Variants in PCDHGB3 observed in about 807,000 individuals in gnomAD.
The protein encoded by PCDHGB3 is protocadherin gamma-B3.
A neutral mutation model predicts 59.2 loss-of-function variants in PCDHGB3; 40 were observed. The observed-to-expected ratio is 0.68, with a 90% CI of 0.52 to 0.88. The LOEUF is 0.88. Among genes scored for constraint, PCDHGB3 ranks in the 40% least tolerant of loss-of-function variants. The pLI, the probability that PCDHGB3 is intolerant of heterozygous loss-of-function variation, is 0.00. For synonymous variants in PCDHGB3, 581 were observed against 503.6 expected (o/e 1.15, Z -2.06); for missense variants, 1,309 against 1,187.9 (o/e 1.10, Z -1.50).
At chr5:141,418,599 A>G in intron 1 of PCDHGB3, 1 of 1,614,054 alleles carries the variant, frequency 6.2e-7, no homozygotes, top group South Asian at 1.1e-5. Flanking sequence ...CAGGACGTGT[A>G]CAGGGTTAGC....
intron 1 of PCDHGB3, chr5:141,484,911 T>G (rs2154580253): frequency 9.3e-6 from 4 of 432,018 alleles, no homozygotes; most frequent in South Asian, 3.3e-5. Context: ...CTGCGACGCA[T>G]TAACCCTGCT....
Position 141,370,276 on chromosome 5 carries a change from C to G in PCDHGB3, c.-119C>G, listed in dbSNP as rs1259059865. The G allele has an allele frequency of 3.6e-6, 3 of 839,228 alleles. No homozygotes were observed. The African/African-American group carries it at 5.1e-5, about 14-fold the overall frequency. 52.0% of individuals were successfully genotyped at this position (839,228 alleles called of 1,614,324 possible). ...ATCAGGCTTCCTGCAGCGGAGACAC[C>G]CATTAGAGAACCCAAGCACAAAGAC... On this transcript the variant is annotated 5_prime_UTR_variant, in exon 1 of 4. Coordinates refer to ENST00000576222, the MANE Select transcript of PCDHGB3 (RefSeq NM_018924.5).
chr5:141,506,737 C>T (rs893758261), intron 3 of PCDHGB3, among the ~76,000 whole-genome samples: 5 of 152,076 alleles, frequency 3.3e-5, no homozygotes, highest in African/African-American at 1.2e-4. Flanking sequence ...AGAATAATGC[C>T]TATTAATAAA....
chr5:141,375,877 G>A lies in PCDHGB3; in HGVS notation c.2415+3068G>A, dbSNP rs752155500. ...AGGTGGTGGCGGTGGACAGAGACTC[G>A]GGCCAGAACGCCTGGCTGTCCTACC... On this transcript the variant is annotated intron_variant, in intron 1 of 3. Transcript: ENST00000576222. 8 of 1,613,676 alleles carry A rather than the reference G, an allele frequency of 5.0e-6. No individual in the cohort carries two copies. In the East Asian group the frequency reaches 1.3e-4, roughly 27 times the overall value.
chr5:141,390,509 A>G, intron 1 of PCDHGB3: 1 of 590,022 alleles, frequency 1.7e-6, no homozygotes, highest in Non-Finnish European at 2.9e-6. Flanking sequence ...GCTTAGATTT[A>G]TAAAGCAATG....
In PCDHGB3 at chr5:141,485,610, C is replaced by A; in HGVS notation, c.2416-9197C>A. ...CTGGACTTGGAAATTGGGGAGGCAGCTCCTCCAGGACAGCGTTTCCCGTTG... is the reference window on the plus strand; with the variant it reads ...CTGGACTTGGAAATTGGGGAGGCAGATCCTCCAGGACAGCGTTTCCCGTTG... On this transcript the variant is annotated intron_variant, in intron 1 of 3. Coordinates refer to ENST00000576222, the MANE Select transcript of PCDHGB3 (RefSeq NM_018924.5). This position sits in a 1 kb window ranked among gnomAD's most constrained non-coding sequence, Gnocchi z 5.7. The A allele has an allele frequency of 1.2e-6, 2 of 1,612,076 alleles. No individual in the cohort carries two copies. The highest frequency in any genetic ancestry group is 1.7e-6 in the Non-Finnish European group (2 of 1,178,616).
chr5:141,392,822 T>C (rs1234169256), intron 1 of PCDHGB3: 1 of 1,595,210 alleles, frequency 6.3e-7, no homozygotes, highest in East Asian at 2.2e-5. Context: ...CAATGGCCGC[T>C]CCACAGAGTC....
At chr5:141,378,986 C>T (rs1369970851) in intron 1 of PCDHGB3, 2 of 152,156 alleles carry the variant, frequency 1.3e-5, no homozygotes, top group African/African-American at 4.8e-5. Flanking sequence ...TGTTGAACTA[C>T]ATTATAGTCA....
intron 1 of PCDHGB3, among the ~76,000 whole-genome samples, chr5:141,439,161 C>T (rs1384707803): frequency 6.6e-6 from 1 of 150,850 alleles, no homozygotes; most frequent in Non-Finnish European, 1.5e-5. Flanking sequence ...CCACTGCACT[C>T]CAGCCTGGGC....
At chr5:141,399,464 C>G in intron 1 of PCDHGB3, 1 of 1,614,018 alleles carries the variant, frequency 6.2e-7, no homozygotes, top group Non-Finnish European at 8.5e-7. Flanking sequence ...GATAACGCTC[C>G]GGTTTTCCAC....
chr5:141,486,987 G>C lies in PCDHGB3; in HGVS notation c.2416-7820G>C, dbSNP rs1327158531. ...GACTTGGATTCAGGTTACAATGCTTGGGTTTCCTATCAGCTCCTGGAGGCC... is the reference window on the plus strand; with the variant it reads ...GACTTGGATTCAGGTTACAATGCTTCGGTTTCCTATCAGCTCCTGGAGGCC... On this transcript the variant is annotated intron_variant, in intron 1 of 3. Transcript: ENST00000576222. The surrounding 1 kb of genome is among the most constrained non-coding windows in gnomAD (Gnocchi z 5.0). The C allele has an allele frequency of 6.2e-7, 1 of 1,614,144 alleles. No homozygotes were observed. Among genetic ancestry groups the C allele is most frequent in the Admixed American group, 1.7e-5 (1 of 60,020 alleles).
chr5:141,379,052 T>A (rs1247302234), intron 1 of PCDHGB3: 1 of 152,238 alleles, frequency 6.6e-6, no homozygotes. Flanking sequence ...TATTATAGAA[T>A]GGATTGGCCA....
At chr5:141,504,306 G>A (rs2099837315) in intron 2 of PCDHGB3, among the ~76,000 whole-genome samples, 1 of 152,076 alleles carries the variant, frequency 6.6e-6, no homozygotes, top group South Asian at 2.1e-4. Context: ...AACACTCGGA[G>A]TTTCTAAAAG....
intron 1 of PCDHGB3, chr5:141,403,193 A>G (rs1291009856): frequency 1.9e-6 from 3 of 1,613,986 alleles, no homozygotes; most frequent in South Asian, 2.2e-5. Context: ...GAACCCGCGC[A>G]GCGGCACCTT....
rs1267535064 is a variant in PCDHGB3, at chr5:141,395,542, T to TTGTTTGTG, written c.2415+22736_2415+22737insTTGTGTGT. On this transcript the variant is annotated intron_variant, in intron 1 of 3. Coordinates refer to ENST00000576222, the MANE Select transcript of PCDHGB3 (RefSeq NM_018924.5). Reference sequence around the variant, plus strand: ...TCCATACTGGTAATTTTGCTATTGTTTGTGTGTGTGTGTGTGTGTGTGTGT... The same window carrying TTGTTTGTG: ...TCCATACTGGTAATTTTGCTATTGTTTGTTTGTGTGTGTGTGTGTGTGTGTGTGTGTGT... 308 of 172,612 alleles carry TTGTTTGTG rather than the reference T, an allele frequency of 1.8e-3. 2 individuals are homozygous for TTGTTTGTG. Among genetic ancestry groups the TTGTTTGTG allele is most frequent in the African/African-American group, 0.017 (292 of 17,534 alleles). The allele number at this position is 172,612 out of a possible 1,614,324, so 10.7% of individuals were successfully genotyped here.
Position 141,487,463 on chromosome 5 carries a change from G to T in PCDHGB3, c.2416-7344G>T, listed in dbSNP as rs754798527. 1 of 1,614,136 alleles carries T rather than the reference G, an allele frequency of 6.2e-7. No homozygotes were observed. The highest frequency in any genetic ancestry group is 1.7e-5 in the Admixed American group (1 of 60,016). ...GTCAGATGACCCTATCAAGTTTGTT[G>T]ATGTGGGAGGCCACTCTCATGGCTG... On this transcript the variant is annotated intron_variant, in intron 1 of 3. Coordinates refer to ENST00000576222, the MANE Select transcript of PCDHGB3 (RefSeq NM_018924.5). The surrounding 1 kb of genome is among the most constrained non-coding windows in gnomAD (Gnocchi z 5.0).
intron 1 of PCDHGB3, chr5:141,414,677 A>AG: frequency 1.9e-6 from 3 of 1,613,794 alleles, no homozygotes; most frequent in South Asian, 2.2e-5. Flanking sequence ...GACACCATCC[A>AG]GGGGGTACCT....
intron 1 of PCDHGB3, among the ~76,000 whole-genome samples, chr5:141,439,449 G>A (rs761506247): frequency 4.6e-5 from 7 of 152,184 alleles, no homozygotes; most frequent in Admixed American, 3.9e-4. Context: ...TATTGCGGGA[G>A]CAAGACTGCA....
At chr5:141,396,797 T>C (rs1043872860) in intron 1 of PCDHGB3, among the ~76,000 whole-genome samples, 1 of 152,182 alleles carries the variant, frequency 6.6e-6, no homozygotes, top group Non-Finnish European at 1.5e-5. Context: ...TTCCTAAGGA[T>C]TGTGTAGTGT....
Sources: allele counts gnomAD v4.1 joint callset (sites outside exome capture counted in the v4.1 genomes callset), GRCh38; gene constraint gnomAD v4.1.1; non-coding constraint Gnocchi (gnomAD v3.1); transcripts MANE v1.5; gene names NCBI Gene and HGNC (gene_info 2026-07-23, HGNC 2026-07-21).